PIK3C2A: variants seen among roughly 807,000 people sequenced by gnomAD.
The protein encoded by PIK3C2A is phosphatidylinositol 4-phosphate 3-kinase C2 domain-containing subunit alpha.
A neutral mutation model predicts 204.5 loss-of-function variants in PIK3C2A; 97 were observed. The ratio of observed to expected loss-of-function variants is 0.47; its 90% CI spans 0.40 to 0.56. PIK3C2A has a LOEUF of 0.56. PIK3C2A is among the 20% of genes least tolerant of loss of function. The pLI is 0.00. For synonymous variants in PIK3C2A, 653 were observed against 664.4 expected (o/e 0.98, Z 0.26); for missense variants, 1,735 against 1,969.2 (o/e 0.88, Z 2.25).
At chr11:17,093,646 T>TG (rs1177813586) in intron 28 of PIK3C2A, among the ~76,000 whole-genome samples, 5 of 144,388 alleles carry the variant, frequency 3.5e-5, no homozygotes, top group South Asian at 2.3e-4. Context: ...GACTTTTTTT[T>TG]TGGGGGGGGG....
At position 17,097,233 on chromosome 11, in the gene PIK3C2A, T is replaced by C. The variant is rs756387583; in HGVS notation, c.4150A>G (p.Thr1384Ala). 6 of 1,613,474 alleles carry C rather than the reference T, an allele frequency of 3.7e-6. No homozygotes were observed. The highest frequency in any genetic ancestry group is 8.5e-7 in the Non-Finnish European group (1 of 1,179,592). Residue 1384 changes from threonine to alanine, a missense_variant, in exon 27 of 33, where the codon ACA becomes GCA. By Grantham distance (58) the Thr-to-Ala change is moderately conservative. This residue lies in a region of PIK3C2A where 503 missense variants were observed against 669.0 expected (regional missense o/e 0.75). Transcript: ENST00000691414. ...TTGTGAATGAAGAAGTTAAACTTTG[T>C]GGCAATGCTTCCCAAACTTGATTCA... The part of the protein sequence containing the change: ...LIESSLGSIA[T>A]KFNFFIHNLA...
In PIK3C2A at chr11:17,131,932, T is replaced by C. The variant is rs1285412546; in HGVS notation, c.2215A>G (p.Ile739Val). 8 of 1,601,980 alleles carry C rather than the reference T, an allele frequency of 5.0e-6. No individual in the cohort carries two copies. Among genetic ancestry groups the C allele is most frequent in the Middle Eastern group, 3.3e-4 (2 of 6,038 alleles). ...VGTYKNFFYLIKWDELIIFPI... is the reference protein window; with the variant it reads ...VGTYKNFFYLVKWDELIIFPI... ...TTCACTTACAGTTCATCCCATTTAA[T>C]AAGATAGAAGAAATTCTTGTAAGTG... The change falls in exon 12 of 33, where the codon ATT becomes GTT. Residue 739 changes from isoleucine (I) to valine (V), a missense_variant. By Grantham distance (29) the Ile-to-Val change is conservative. Coordinates refer to ENST00000691414, the MANE Select transcript of PIK3C2A (RefSeq NM_002645.4).
chr11:17,151,249 A>C lies in PIK3C2A; in HGVS notation c.1170-594T>G, dbSNP rs189357395. 4.9e-4 allele frequency among the ~76,000 whole-genome samples: 75 copies of C among 152,334 alleles called. 1 individual carries two copies. Among genetic ancestry groups the C allele is most frequent in the Admixed American group, 1.6e-3 (25 of 15,296 alleles). On this transcript the variant is annotated intron_variant, in intron 3 of 32. Transcript: ENST00000691414. ...GTGAAGGTATTCATAGGAGCAACAC[A>C]GTTCAAAATTAAATACATGAATGTG...
chr11:17,146,305 A>G (rs1232835544), intron 6 of PIK3C2A, among the ~76,000 whole-genome samples: 1 of 152,184 alleles, frequency 6.6e-6, no homozygotes, highest in East Asian at 1.9e-4. Context: ...GATGGAGGTC[A>G]TTTAAATTTC....
rs1851088062 is a variant in PIK3C2A, at chr11:17,169,492, G to C, written c.250C>G (p.Gln84Glu). The C allele has an allele frequency of 6.2e-7, 1 of 1,613,156 alleles. No individual in the cohort carries two copies. Among genetic ancestry groups the C allele is most frequent in the African/African-American group, 1.3e-5 (1 of 74,930 alleles). The change falls in exon 2 of 33, where the codon CAA (glutamine) becomes GAA (glutamate). Residue 84 changes from glutamine (Q) to glutamate (E), a missense_variant. Physicochemically the swap from Gln to Glu is conservative, Grantham distance 29 (BLOSUM62 2). This residue lies in a region of PIK3C2A where 536 missense variants were observed against 546.7 expected (regional missense o/e 0.98). Transcript: ENST00000691414. Reference protein sequence around the residue: ...DLMVFPESDSQKRALDIDVEK... With the variant: ...DLMVFPESDSEKRALDIDVEK... The stretch of plus-strand genomic sequence containing the variant: ...ACATCAATATCTAATGCTCTTTTTT[G>C]GGAATCTGATTCAGGAAACACCATG...
chr11:17,182,620 C>T (rs1851603652), intron 1 of PIK3C2A, among the ~76,000 whole-genome samples: 1 of 143,804 alleles, frequency 7.0e-6, no homozygotes, highest in Admixed American at 6.9e-5. Context: ...TTAGTGATAA[C>T]ATTAAAAAAT....
chr11:17,093,601 C>T (rs1395725225), intron 28 of PIK3C2A, among the ~76,000 whole-genome samples: 1 of 150,532 alleles, frequency 6.6e-6, no homozygotes, highest in Non-Finnish European at 1.5e-5. Context: ...TCAGTATGGC[C>T]CATGATAGAT....
intron 1 of PIK3C2A, among the ~76,000 whole-genome samples, chr11:17,171,460 T>A (rs1851158073): frequency 6.6e-6 from 1 of 151,532 alleles, no homozygotes; most frequent in African/African-American, 2.4e-5. Flanking sequence ...TTCAAATTAG[T>A]ATAATACAAA....
At position 17,117,512 on chromosome 11, in the gene PIK3C2A, C is replaced by A. The variant is rs780649039; in HGVS notation, c.3195G>T (p.Gln1065His). The change falls in exon 19 of 33, where the codon CAG becomes CAT. Residue 1065 changes from glutamine to histidine, a missense_variant. Around this residue, in one of 6 missense-constraint regions of PIK3C2A, gnomAD observed 567 missense variants for 576.0 expected, o/e 0.98. Transcript: ENST00000691414. ...ATACCTGTCTGGCTGATCCACTAGC[C>A]TGCCTTACTTTTTCTGCTACTCCTC... Reference protein sequence around the residue: ...LLGGVAEKVRQASGSARQVVL... With the variant: ...LLGGVAEKVRHASGSARQVVL... 1 of 1,613,122 alleles carries A rather than the reference C, an allele frequency of 6.2e-7. No homozygotes were observed. Among genetic ancestry groups the A allele is most frequent in the South Asian group, 1.1e-5 (1 of 91,034 alleles).
chr11:17,103,469 T>C (rs982301430), intron 23 of PIK3C2A, among the ~76,000 whole-genome samples: 1 of 152,168 alleles, frequency 6.6e-6, no homozygotes, highest in African/African-American at 2.4e-5. Context: ...AAATACTGTA[T>C]TTCTGAGTGG....
chr11:17,092,111 T>C, intron 29 of PIK3C2A, 43 bp from the exon 30 acceptor site: 1 of 1,505,244 alleles, frequency 6.6e-7, no homozygotes, highest in Non-Finnish European at 9.3e-7. Flanking sequence ...AAATATTATG[T>C]AACACAAAAG....
intron 1 of PIK3C2A, among the ~76,000 whole-genome samples, chr11:17,196,865 C>T (rs536419722): frequency 2.0e-5 from 3 of 151,850 alleles, no homozygotes; most frequent in African/African-American, 7.2e-5. Flanking sequence ...AGGCGTGAGC[C>T]ACCGTGCCCG....
At chr11:17,153,348 T>C (rs899936461) in intron 3 of PIK3C2A, among the ~76,000 whole-genome samples, 1 of 151,426 alleles carries the variant, frequency 6.6e-6, no homozygotes, top group African/African-American at 2.4e-5. Flanking sequence ...GGCAGGAGAA[T>C]CGCTTGAACC....
At chr11:17,093,130 G>GA (rs753956269) in intron 28 of PIK3C2A, among the ~76,000 whole-genome samples, 7 of 152,120 alleles carry the variant, frequency 4.6e-5, no homozygotes, top group Non-Finnish European at 1.0e-4. Context: ...CCTCACTTTT[G>GA]AAATCTAGTC....
At chr11:17,205,570 A>G (rs1852541724) in intron 1 of PIK3C2A, among the ~76,000 whole-genome samples, 2 of 152,028 alleles carry the variant, frequency 1.3e-5, no homozygotes, top group South Asian at 2.1e-4. Flanking sequence ...CTGATGCTCT[A>G]TAAGAACTCT....
intron 1 of PIK3C2A, among the ~76,000 whole-genome samples, chr11:17,181,490 C>T (rs534282452): frequency 5.9e-4 from 89 of 151,302 alleles, no homozygotes; most frequent in African/African-American, 1.9e-3. Flanking sequence ...ACACGTAAGG[C>T]GCTGGGTGTG....
intron 1 of PIK3C2A, among the ~76,000 whole-genome samples, chr11:17,182,435 C>T (rs977887788): frequency 3.9e-5 from 6 of 151,966 alleles, no homozygotes; most frequent in African/African-American, 4.8e-5. Flanking sequence ...GGCATGGTGG[C>T]GCATGCCTGT....
At chr11:17,158,419 T>C (rs1303894813) in intron 2 of PIK3C2A, among the ~76,000 whole-genome samples, 1 of 150,428 alleles carries the variant, frequency 6.6e-6, no homozygotes, top group Non-Finnish European at 1.5e-5. Context: ...ATTTATATAC[T>C]TATTTATCAA....
chr11:17,089,267 T>C lies in PIK3C2A; in HGVS notation c.*471A>G, dbSNP rs539690705. On this transcript the variant is annotated 3_prime_UTR_variant, in exon 33 of 33. Transcript: ENST00000691414. Reference sequence around the variant, plus strand: ...CTATCTATTATTTGTGCTTTGTTTTTCAGCTCCATGAATAGCAGCTGGATT... The same window carrying C: ...CTATCTATTATTTGTGCTTTGTTTTCCAGCTCCATGAATAGCAGCTGGATT... 3 of 152,654 alleles carry C rather than the reference T, an allele frequency of 2.0e-5. No individual in the cohort carries two copies. Among genetic ancestry groups the C allele is most frequent in the Admixed American group, 6.5e-5 (1 of 15,320 alleles). The allele number at this position is 152,654 out of a possible 1,614,324, so 9.5% of individuals were successfully genotyped here.
Sources: gnomAD v4.1 joint callset for allele counts (sites outside exome capture counted in the v4.1 genomes callset) on GRCh38, gnomAD v4.1.1 for gene constraint, gnomAD v4.1.1 regional missense constraint, MANE v1.5 for transcripts, NCBI Gene and HGNC (gene_info 2026-07-23, HGNC 2026-07-21) for gene names.